Variants in LOC400499 observed in about 807,000 individuals in gnomAD.
At chr16:11,401,621 C>A in the LOC400499 span, among the ~76,000 whole-genome samples, 3 of 152,378 alleles carry the variant, frequency 2.0e-5, no homozygotes, top group Admixed American at 1.3e-4. Flanking sequence ...GGAGCGAACA[C>A]AGGACAGAGA....
the LOC400499 span, among the ~76,000 whole-genome samples, chr16:11,414,074 A>G: frequency 6.6e-6 from 1 of 152,228 alleles, no homozygotes; most frequent in Non-Finnish European, 1.5e-5. Flanking sequence ...TTCTGACCCA[A>G]GATTGCAGGG....
At chr16:11,447,921 G>C in the LOC400499 span, 4 of 1,532,622 alleles carry the variant, frequency 2.6e-6, no homozygotes, top group Non-Finnish European at 3.5e-6. Context: ...CTGAGCAGAA[G>C]GGGCGCACAT....
At chr16:11,464,511 G>A in the LOC400499 span, among the ~76,000 whole-genome samples, 1 of 152,238 alleles carries the variant, frequency 6.6e-6, no homozygotes, top group Non-Finnish European at 1.5e-5. Flanking sequence ...CTGCACACTA[G>A]CAGGAGGGGG....
At chr16:11,391,929 C>G in the LOC400499 span, 2 of 828,820 alleles carry the variant, frequency 2.4e-6, no homozygotes, top group African/African-American at 1.7e-5. Flanking sequence ...ACCCTCCTGC[C>G]TGGTGAGTGG....
chr16:11,518,283 G>A, the LOC400499 span, among the ~76,000 whole-genome samples: 1 of 152,218 alleles, frequency 6.6e-6, no homozygotes, highest in African/African-American at 2.4e-5. Flanking sequence ...AACGGAAGAG[G>A]AATCTGCAGA....
At chr16:11,475,265 C>T in the LOC400499 span, among the ~76,000 whole-genome samples, 2 of 152,186 alleles carry the variant, frequency 1.3e-5, no homozygotes, top group Admixed American at 6.5e-5. Context: ...ACCACCATGG[C>T]ACATGTACAC....
the LOC400499 span, among the ~76,000 whole-genome samples, chr16:11,473,584 G>C: frequency 6.6e-6 from 1 of 152,056 alleles, no homozygotes; most frequent in Admixed American, 6.6e-5. Context: ...GTAAAACCCT[G>C]TCTCCACTAA....
At chr16:11,461,078 C>A in the LOC400499 span, 1 of 1,536,008 alleles carries the variant, frequency 6.5e-7, no homozygotes, top group East Asian at 2.4e-5. Context: ...GCACCCAGGG[C>A]GGCCACCCTC....
At chr16:11,384,932 ACGTCACAGGAGACAGACACCC>A in the LOC400499 span, 2 of 1,232,010 alleles carry the variant, frequency 1.6e-6, no homozygotes, top group Non-Finnish European at 2.0e-6. Flanking sequence ...GCCGGTGGGC[ACGTCACAGGAGACAGACACCC>A]CGTCCTCGCT....
the LOC400499 span, among the ~76,000 whole-genome samples, chr16:11,395,402 A>G: frequency 6.6e-6 from 1 of 152,196 alleles, no homozygotes. Context: ...AGCATCCGCC[A>G]TGGGTTCACT....
chr16:11,490,353 G>A, the LOC400499 span, among the ~76,000 whole-genome samples: 3 of 142,080 alleles, frequency 2.1e-5, no homozygotes, highest in Non-Finnish European at 3.0e-5. Flanking sequence ...CCACAACTGT[G>A]CCATTGCACT....
At chr16:11,373,450 C>T in the LOC400499 span, among the ~76,000 whole-genome samples, 3 of 152,150 alleles carry the variant, frequency 2.0e-5, no homozygotes, top group African/African-American at 4.8e-5. Flanking sequence ...TCTCCTGCGT[C>T]AGCCTCCTGA....
chr16:11,502,937 T>TTTTTA, the LOC400499 span, among the ~76,000 whole-genome samples: 53 of 146,318 alleles, frequency 3.6e-4, no homozygotes, highest in African/African-American at 1.3e-3. Flanking sequence ...TTTTTTTTTT[T>TTTTTA]AAGAGACAGG....
the LOC400499 span, chr16:11,484,869 C>T: frequency 2.5e-6 from 1 of 399,028 alleles, no homozygotes; most frequent in East Asian, 3.6e-5. Flanking sequence ...GGTGTGGCCA[C>T]CTCCCTTACC....
the LOC400499 span, chr16:11,391,859 C>T: frequency 1.5e-5 from 18 of 1,223,498 alleles, no homozygotes; most frequent in East Asian, 5.4e-4. Flanking sequence ...CTGCCGGCTG[C>T]ACCTGGACAG....
the LOC400499 span, among the ~76,000 whole-genome samples, chr16:11,443,625 T>C: frequency 6.6e-6 from 1 of 151,868 alleles, no homozygotes; most frequent in African/African-American, 2.4e-5. Context: ...CCGGATGGGG[T>C]TCTAGTAGGC....
the LOC400499 span, among the ~76,000 whole-genome samples, chr16:11,495,181 C>T: frequency 6.6e-6 from 1 of 151,090 alleles, no homozygotes; most frequent in East Asian, 1.9e-4. Context: ...TGCACTGCAC[C>T]CTGGGTGGCA....
At chr16:11,433,235 T>G in the LOC400499 span, among the ~76,000 whole-genome samples, 1 of 152,166 alleles carries the variant, frequency 6.6e-6, no homozygotes, top group East Asian at 1.9e-4. Context: ...CAAGGTGCAT[T>G]TTAATAATTT....
At chr16:11,478,251 C>T in the LOC400499 span, among the ~76,000 whole-genome samples, 2 of 151,870 alleles carry the variant, frequency 1.3e-5, no homozygotes, top group Non-Finnish European at 2.9e-5. Flanking sequence ...TGGTCTCAAA[C>T]TCCTGATCTC....
Sources: allele counts gnomAD v4.1 joint callset (sites outside exome capture counted in the v4.1 genomes callset), GRCh38; gene constraint gnomAD v4.1.1; transcripts MANE v1.5.